Variants in ANKH observed in about 807,000 individuals in gnomAD.
ANKH encodes ANKH inorganic pyrophosphate transport regulator.
In ANKH, 15 loss-of-function variants were observed where a neutral mutation model predicts 49.0. The observed-to-expected ratio is 0.31, with a 90% confidence interval of 0.20 to 0.47. The LOEUF (loss-of-function observed/expected upper bound fraction) is 0.47. ANKH is among the 20% of genes least tolerant of loss of function. The pLI is 1.00. For missense variants in ANKH, 429 were observed against 652.0 expected (o/e 0.66, Z 3.72); for synonymous variants, 273 against 260.0 (o/e 1.05, Z -0.48).
chr5:14,748,606 A>G (rs899168142), intron 6 of ANKH, among the ~76,000 whole-genome samples: 1 of 152,232 alleles, frequency 6.6e-6, no homozygotes, highest in African/African-American at 2.4e-5. Context: ...AGTTTGTTCA[A>G]TCAAGGAGCT....
chr5:14,795,006 G>T (rs1740329592), intron 1 of ANKH, among the ~76,000 whole-genome samples: 1 of 152,232 alleles, frequency 6.6e-6, no homozygotes, highest in African/African-American at 2.4e-5. Flanking sequence ...TGTGTGCCTG[G>T]CACTACTTGT....
At position 14,708,865 on chromosome 5, in the gene ANKH, G is replaced by C. The variant is rs1737049471; in HGVS notation, c.*2332C>G. 1 of 151,822 alleles carries C rather than the reference G, an allele frequency of 6.6e-6. No homozygotes were observed. Among genetic ancestry groups the C allele is most frequent in the Non-Finnish European group, 1.5e-5 (1 of 67,992 alleles). 9.4% of individuals were successfully genotyped at this position (151,822 alleles called of 1,614,324 possible). On this transcript the variant is annotated 3_prime_UTR_variant, in exon 12 of 12. Coordinates refer to ENST00000284268, the MANE Select transcript of ANKH (RefSeq NM_054027.6). ...CTCATCTCATAATGAGGAGGCCCTT[G>C]CTGATCCTTCCTGGATTTAGAGGGA...
chr5:14,752,143 G>T (rs1228022430), intron 4 of ANKH, among the ~76,000 whole-genome samples: 9 of 152,022 alleles, frequency 5.9e-5, no homozygotes, highest in African/African-American at 2.2e-4. Context: ...CCCCATCTCT[G>T]TAAAAGATTT....
intron 1 of ANKH, among the ~76,000 whole-genome samples, chr5:14,796,888 C>A (rs1406082360): frequency 6.6e-6 from 1 of 152,090 alleles, no homozygotes; most frequent in East Asian, 1.9e-4. Flanking sequence ...CTACTTTAGA[C>A]CTGGGTTACT....
intron 1 of ANKH, among the ~76,000 whole-genome samples, chr5:14,854,171 T>C (rs965384349): frequency 3.9e-5 from 6 of 152,194 alleles, no homozygotes; most frequent in African/African-American, 1.4e-4. Context: ...ATCATAGCAT[T>C]TGCAGGTAGG....
intron 1 of ANKH, among the ~76,000 whole-genome samples, chr5:14,850,775 A>C (rs1742101522): frequency 6.6e-6 from 1 of 152,234 alleles, no homozygotes; most frequent in African/African-American, 2.4e-5. Flanking sequence ...AAATCTTTGA[A>C]ACAGACCTGA....
intron 1 of ANKH, among the ~76,000 whole-genome samples, chr5:14,844,626 T>C (rs1223280033): frequency 2.6e-5 from 4 of 152,202 alleles, no homozygotes; most frequent in Non-Finnish European, 4.4e-5. Context: ...TGATCTGTAA[T>C]TGCAACTGGA....
intron 1 of ANKH, among the ~76,000 whole-genome samples, chr5:14,816,766 C>T (rs974979354): frequency 8.5e-5 from 13 of 152,154 alleles, no homozygotes; most frequent in Admixed American, 1.3e-4. Context: ...ATTCACCCAA[C>T]CAAGAGGCAG....
At chr5:14,761,102 C>A (rs1739062236) in intron 2 of ANKH, among the ~76,000 whole-genome samples, 1 of 152,090 alleles carries the variant, frequency 6.6e-6, no homozygotes, top group South Asian at 2.1e-4. Flanking sequence ...ACCGGGGTGA[C>A]TCCTCTACAA....
chr5:14,851,833 G>T (rs558053267), intron 1 of ANKH, among the ~76,000 whole-genome samples: 1 of 152,294 alleles, frequency 6.6e-6, no homozygotes, highest in South Asian at 2.1e-4. Context: ...CAGCTTATGG[G>T]TCTCTTAGTA....
At chr5:14,790,628 C>A (rs773085785) in intron 1 of ANKH, among the ~76,000 whole-genome samples, 1 of 152,116 alleles carries the variant, frequency 6.6e-6, no homozygotes, top group Non-Finnish European at 1.5e-5. Flanking sequence ...TCATATTCAT[C>A]CCTGAGTCTC....
At chr5:14,740,412 C>T (rs1211252307) in intron 8 of ANKH, among the ~76,000 whole-genome samples, 2 of 152,198 alleles carry the variant, frequency 1.3e-5, no homozygotes, top group Non-Finnish European at 2.9e-5. Flanking sequence ...AGAAATCATG[C>T]TAACAGGGGA....
intron 1 of ANKH, among the ~76,000 whole-genome samples, chr5:14,772,423 T>C (rs1031462469): frequency 1.3e-5 from 2 of 152,244 alleles, no homozygotes; most frequent in African/African-American, 4.8e-5. Context: ...CGGTATTATA[T>C]AAGCTAGCTT....
intron 1 of ANKH, chr5:14,797,831 A>G: frequency 6.2e-7 from 1 of 1,611,514 alleles, no homozygotes; most frequent in Non-Finnish European, 8.5e-7. Flanking sequence ...GTAAGTGCCC[A>G]CTGAGATTTA....
intron 1 of ANKH, among the ~76,000 whole-genome samples, chr5:14,803,941 G>A (rs1740633197): frequency 6.6e-6 from 1 of 152,134 alleles, no homozygotes; most frequent in Non-Finnish European, 1.5e-5. Context: ...TGTTGCCCAG[G>A]CTGGAGTGCA....
At chr5:14,847,800 A>G (rs1267601674) in intron 1 of ANKH, among the ~76,000 whole-genome samples, 1 of 152,234 alleles carries the variant, frequency 6.6e-6, no homozygotes, top group East Asian at 1.9e-4. Context: ...CTTACGAGAC[A>G]CTAGGAAAAT....
chr5:14,722,970 C>T (rs1272528852), intron 8 of ANKH, among the ~76,000 whole-genome samples: 1 of 151,996 alleles, frequency 6.6e-6, no homozygotes, highest in African/African-American at 2.4e-5. Flanking sequence ...ATCCCTAAGC[C>T]CAGTCTTAAT....
intron 4 of ANKH, 92 bp from the exon 5 acceptor site, chr5:14,751,331 C>A (rs746773787): frequency 2.7e-5 from 36 of 1,322,756 alleles, no homozygotes; most frequent in Non-Finnish European, 3.5e-5. Flanking sequence ...CTGAGACAGA[C>A]CTCTGAGCAA....
chr5:14,714,820 G>A (rs1737382423), intron 9 of ANKH, among the ~76,000 whole-genome samples: 1 of 152,214 alleles, frequency 6.6e-6, no homozygotes, highest in Non-Finnish European at 1.5e-5. Context: ...GTGTCAAATG[G>A]ACAGTAAAGG....
Sources: gnomAD v4.1 joint callset for allele counts (sites outside exome capture counted in the v4.1 genomes callset) on GRCh38, gnomAD v4.1.1 for gene constraint, MANE v1.5 for transcripts, NCBI Gene and HGNC (gene_info 2026-07-23, HGNC 2026-07-21) for gene names.